RASAL2: variants seen among roughly 807,000 people sequenced by gnomAD.
RASAL2 encodes RAS protein activator like 2, also known as ras GTPase-activating protein nGAP.
RASAL2 carries 58 observed loss-of-function variants against 128.9 expected under a neutral mutation model. The observed-to-expected ratio is 0.45, with a 90% CI of 0.36 to 0.56. The LOEUF is 0.56. Ranked by LOEUF, RASAL2 falls within the 20% of genes least tolerant of loss-of-function variation. The pLI is 0.00. For synonymous variants in RASAL2, 561 were observed against 580.8 expected, an observed-to-expected ratio of 0.97 and a Z score of 0.49; for missense variants, 1,360 against 1,601.6, an observed-to-expected ratio of 0.85 and a Z score of 2.57.
At chr1:178,238,499 A>G (rs1188459753) in intron 1 of RASAL2, among the ~76,000 whole-genome samples, 1 of 152,158 alleles carries the variant, frequency 6.6e-6, no homozygotes, top group Non-Finnish European at 1.5e-5. Context: ...CTTAAGTCAC[A>G]TTAAATTTTC....
intron 1 of RASAL2, among the ~76,000 whole-genome samples, chr1:178,113,454 A>G (rs1407468660): frequency 6.6e-6 from 1 of 151,534 alleles, no homozygotes; most frequent in Non-Finnish European, 1.5e-5. Flanking sequence ...GCAGGCATGC[A>G]TCACCATACC....
intron 3 of RASAL2, among the ~76,000 whole-genome samples, chr1:178,371,337 C>CAA (rs1467984086): frequency 1.8e-4 from 25 of 140,974 alleles, no homozygotes; most frequent in Admixed American, 3.4e-4. Flanking sequence ...CACACACACA[C>CAA]ACACACACAC....
At chr1:178,190,329 A>G (rs1662449165) in intron 1 of RASAL2, among the ~76,000 whole-genome samples, 1 of 150,418 alleles carries the variant, frequency 6.6e-6, no homozygotes, top group Non-Finnish European at 1.5e-5. Flanking sequence ...TTATAAAACC[A>G]AAAGAATACT....
intron 1 of RASAL2, among the ~76,000 whole-genome samples, chr1:178,145,519 G>A (rs1660701718): frequency 7.7e-6 from 1 of 129,618 alleles, no homozygotes; most frequent in Non-Finnish European, 1.5e-5. Flanking sequence ...GTTGCTCTGA[G>A]CAGGATTATG....
chr1:178,328,161 A>G (rs1215924072), intron 3 of RASAL2, among the ~76,000 whole-genome samples: 3 of 152,178 alleles, frequency 2.0e-5, no homozygotes, highest in Admixed American at 6.5e-5. Flanking sequence ...TTTTTCTGCT[A>G]TACAGACTAT....
intron 3 of RASAL2, among the ~76,000 whole-genome samples, chr1:178,321,868 A>G (rs935640213): frequency 1.6e-4 from 25 of 151,772 alleles, no homozygotes; most frequent in African/African-American, 5.3e-4. Flanking sequence ...CATGTCTGTA[A>G]TCCCAACTAC....
At chr1:178,358,377 A>G (rs1670930165) in intron 3 of RASAL2, among the ~76,000 whole-genome samples, 1 of 152,134 alleles carries the variant, frequency 6.6e-6, no homozygotes, top group South Asian at 2.1e-4. Flanking sequence ...GAAGGTAAAA[A>G]GACCAGTTAG....
intron 1 of RASAL2, among the ~76,000 whole-genome samples, chr1:178,156,482 TAGTA>T (rs532757129): frequency 4.6e-5 from 7 of 152,310 alleles, no homozygotes; most frequent in African/African-American, 1.7e-4. Context: ...GTTGTTATAA[TAGTA>T]AGTTATGGGT....
intron 1 of RASAL2, among the ~76,000 whole-genome samples, chr1:178,278,862 AGTTT>A (rs1333650391): frequency 6.6e-6 from 1 of 152,044 alleles, no homozygotes; most frequent in African/African-American, 2.4e-5. Flanking sequence ...CATATCATTC[AGTTT>A]GTCATTTTTG....
chr1:178,340,861 G>T (rs1669834430), intron 3 of RASAL2, among the ~76,000 whole-genome samples: 1 of 151,964 alleles, frequency 6.6e-6, no homozygotes, highest in African/African-American at 2.4e-5. Flanking sequence ...ACAATACAGG[G>T]CATTTCTGTA....
chr1:178,466,155 G>A (rs1162042501), intron 16 of RASAL2, 33 bp downstream of exon 16: 1 of 1,509,604 alleles, frequency 6.6e-7, no homozygotes, highest in Non-Finnish European at 8.8e-7. Context: ...ATGTGGGCTA[G>A]TTAGCAAGAC....
At chr1:178,136,513 T>G (rs988003168) in intron 1 of RASAL2, among the ~76,000 whole-genome samples, 2 of 151,910 alleles carry the variant, frequency 1.3e-5, no homozygotes, top group African/African-American at 4.8e-5. Flanking sequence ...CCCAGCACTT[T>G]GGGAGGCTGA....
At chr1:178,385,416 G>A (rs773635158) in intron 3 of RASAL2, among the ~76,000 whole-genome samples, 2 of 151,922 alleles carry the variant, frequency 1.3e-5, no homozygotes, top group African/African-American at 2.4e-5. Context: ...CAGCCTGGGC[G>A]ACTGTCTTAA....
chr1:178,180,291 T>G (rs115783221), intron 1 of RASAL2, among the ~76,000 whole-genome samples: 2,744 of 152,112 alleles, frequency 0.018, 74 homozygotes, highest in African/African-American at 0.059. Context: ...GACAATGCAT[T>G]ATTAATTTTA....
intron 1 of RASAL2, among the ~76,000 whole-genome samples, chr1:178,200,852 C>T (rs1571621308): frequency 6.6e-6 from 1 of 152,184 alleles, no homozygotes; most frequent in South Asian, 2.1e-4. Flanking sequence ...GTAGTGGCAG[C>T]ATCCCCTCCC....
chr1:178,114,302 A>G (rs1659445965), intron 1 of RASAL2, among the ~76,000 whole-genome samples: 1 of 152,132 alleles, frequency 6.6e-6, no homozygotes, highest in African/African-American at 2.4e-5. Flanking sequence ...TTTAAGTATG[A>G]TGTTAGCCTT....
At chr1:178,306,232 A>G (rs1667981506) in intron 3 of RASAL2, among the ~76,000 whole-genome samples, 1 of 152,094 alleles carries the variant, frequency 6.6e-6, no homozygotes, top group African/African-American at 2.4e-5. Flanking sequence ...TGAACTTATC[A>G]TTTTTTATGG....
At chr1:178,268,182 A>G (rs1427636053) in intron 1 of RASAL2, among the ~76,000 whole-genome samples, 1 of 152,096 alleles carries the variant, frequency 6.6e-6, no homozygotes, top group Non-Finnish European at 1.5e-5. Context: ...CAAATTAAAA[A>G]TTAGCAGCTG....
chr1:178,344,144 A>G (rs938888261), intron 3 of RASAL2, among the ~76,000 whole-genome samples: 1 of 152,164 alleles, frequency 6.6e-6, no homozygotes, highest in African/African-American at 2.4e-5. Flanking sequence ...ATTTTTTCCC[A>G]TGAACAATCT....
Sources: allele counts gnomAD v4.1 joint callset (sites outside exome capture counted in the v4.1 genomes callset), GRCh38; gene constraint gnomAD v4.1.1; transcripts MANE v1.5; gene names NCBI Gene and HGNC (gene_info 2026-07-23, HGNC 2026-07-21).